RAP1GAP2: variants seen among roughly 807,000 people sequenced by gnomAD.
The protein encoded by RAP1GAP2 is rap1 GTPase-activating protein 2.
A neutral mutation model predicts 95.0 loss-of-function variants in RAP1GAP2; 27 were observed. The observed-to-expected ratio is 0.28, with a 90% confidence interval of 0.21 to 0.39. The LOEUF (loss-of-function observed/expected upper bound fraction) is 0.39, where lower values mean the gene tolerates loss of function less well. Ranked by LOEUF, RAP1GAP2 falls within the 10% of genes least tolerant of loss-of-function variation. RAP1GAP2 has a pLI of 1.00. For missense variants in RAP1GAP2, 771 were observed against 970.0 expected (o/e 0.79, Z 2.72); for synonymous variants, 373 against 380.9 (o/e 0.98, Z 0.24).
At chr17:2,779,466 C>T (rs1421542555) in intron 1 of RAP1GAP2, among the ~76,000 whole-genome samples, 1 of 152,136 alleles carries the variant, frequency 6.6e-6, no homozygotes. Flanking sequence ...GGCTCAGGGG[C>T]CAGACTGCTG....
rs1245790792 is a variant in RAP1GAP2, at chr17:2,965,678, T to A, written c.596+35T>A. On this transcript the variant is annotated intron_variant, in intron 8 of 24. Coordinates refer to ENST00000254695, the MANE Select transcript of RAP1GAP2 (RefSeq NM_015085.5). This position sits in a 1 kb window ranked among gnomAD's most constrained non-coding sequence, Gnocchi z 4.7. ...TTGCGCTGCTTGAGGCCACTTCTCT[T>A]CCAGGCAGGGCTCTCATCGGTGGTG... The A allele has an allele frequency of 2.7e-6, 4 of 1,457,050 alleles. No homozygotes were observed. Among genetic ancestry groups the A allele is most frequent in the Non-Finnish European group, 3.8e-6 (4 of 1,052,844 alleles). 90.3% of individuals were successfully genotyped at this position (1,457,050 alleles called of 1,614,324 possible). A position where few individuals can be genotyped will look rare whatever the true frequency, so the allele number is the denominator to read the frequency against.
At chr17:2,832,652 A>G (rs897137335) in intron 2 of RAP1GAP2, among the ~76,000 whole-genome samples, 1 of 151,486 alleles carries the variant, frequency 6.6e-6, no homozygotes, top group Non-Finnish European at 1.5e-5. Context: ...AGAGTTTGGT[A>G]CATACTTTTC....
rs575928059 is a variant in RAP1GAP2, at chr17:2,906,531, T to C, written c.165+1163T>C. 3.3e-5 allele frequency among the ~76,000 whole-genome samples: 5 copies of C among 152,120 alleles called. No individual in the cohort carries two copies. In the East Asian group the frequency reaches 9.7e-4, roughly 29 times the overall value. ...GAGCTGTGCTGTCTTCCTTGTGCAG[T>C]ACCCAGAGGGCAGTGGAAGCCAGAC... is the stretch of plus-strand genomic sequence containing the variant. On this transcript the variant is annotated intron_variant, in intron 3 of 24. Transcript: ENST00000254695. This position sits in a 1 kb window ranked among gnomAD's most constrained non-coding sequence, Gnocchi z 4.3.
At chr17:3,001,820 T>C (rs921088030) in intron 14 of RAP1GAP2, among the ~76,000 whole-genome samples, 2 of 152,208 alleles carry the variant, frequency 1.3e-5, no homozygotes, top group Non-Finnish European at 2.9e-5. Flanking sequence ...TCTTTCCCAA[T>C]AGGAAATGCA....
rs938092930 is a variant in RAP1GAP2 at position 2,963,798 on chromosome 17, C to T, written c.280-58C>T. ...AGCAGCGCAGAGGGGACACCGCCAC[C>T]GGCCCCCTCCCTCCCCTGCGGTCCC... On this transcript the variant is annotated intron_variant, in intron 6 of 24. Coordinates refer to ENST00000254695, the MANE Select transcript of RAP1GAP2 (RefSeq NM_015085.5). This position sits in a 1 kb window ranked among gnomAD's most constrained non-coding sequence, Gnocchi z 4.8. The T allele has an allele frequency of 1.0e-4, 143 of 1,419,230 alleles. No individual in the cohort carries two copies. Among genetic ancestry groups the T allele is most frequent in the Middle Eastern group, 2.5e-4 (1 of 4,078 alleles). The allele number at this position is 1,419,230 out of a possible 1,614,324, so 87.9% of individuals were successfully genotyped here. A position where few individuals can be genotyped will look rare whatever the true frequency, so the allele number is the denominator to read the frequency against.
At chr17:2,966,055 C>T (rs549213998) in intron 8 of RAP1GAP2, among the ~76,000 whole-genome samples, 2 of 152,196 alleles carry the variant, frequency 1.3e-5, no homozygotes, top group African/African-American at 4.8e-5. Flanking sequence ...AAAGATAGTG[C>T]CCTGTGTGTT....
intron 2 of RAP1GAP2, among the ~76,000 whole-genome samples, chr17:2,891,770 T>C (rs2073723681): frequency 6.6e-6 from 1 of 150,436 alleles, no homozygotes; most frequent in South Asian, 2.1e-4. Context: ...GATTCCAGAG[T>C]TGCTGTTGAA....
chr17:2,970,179 C>A (rs2044796032), intron 8 of RAP1GAP2, among the ~76,000 whole-genome samples: 1 of 146,542 alleles, frequency 6.8e-6, no homozygotes, highest in South Asian at 2.2e-4. Flanking sequence ...GAGGCTGAGG[C>A]AGGAGAATCA....
intron 3 of RAP1GAP2, among the ~76,000 whole-genome samples, chr17:2,946,097 A>G (rs1456377982): frequency 6.6e-6 from 1 of 152,110 alleles, no homozygotes; most frequent in African/African-American, 2.4e-5. Context: ...GGCCTATTAC[A>G]TTGATTTTCT....
At chr17:2,805,572 C>A (rs935753899) in intron 2 of RAP1GAP2, among the ~76,000 whole-genome samples, 3 of 151,836 alleles carry the variant, frequency 2.0e-5, no homozygotes, top group Non-Finnish European at 4.4e-5. Context: ...GGGGTTTCAC[C>A]ATGTTGGCCA....
At chr17:2,792,755 G>T (rs187447951), upstream of RAP1GAP2, among the ~76,000 whole-genome samples, 1 of 152,240 alleles carries the variant, frequency 6.6e-6, no homozygotes, top group Non-Finnish European at 1.5e-5. Flanking sequence ...CACACCCCCC[G>T]GTGGGGGAAA....
intron 2 of RAP1GAP2, among the ~76,000 whole-genome samples, chr17:2,830,339 A>G (rs2070768746): frequency 6.6e-6 from 1 of 152,020 alleles, no homozygotes; most frequent in African/African-American, 2.4e-5. Flanking sequence ...GCTTGAACCC[A>G]TGAGGCGGAG....
chr17:2,901,472 A>T (rs1023467427), intron 2 of RAP1GAP2, among the ~76,000 whole-genome samples: 31 of 151,798 alleles, frequency 2.0e-4, no homozygotes, highest in Non-Finnish European at 3.7e-4. Context: ...GCGTCGTTAG[A>T]GTTGCATGCG....
chr17:2,985,326 C>T (rs1401702165), intron 11 of RAP1GAP2, among the ~76,000 whole-genome samples: 9 of 151,714 alleles, frequency 5.9e-5, no homozygotes, highest in South Asian at 2.1e-4. Flanking sequence ...CTGGCTGCCT[C>T]GTCTTCTACG....
intron 2 of RAP1GAP2, among the ~76,000 whole-genome samples, chr17:2,836,978 C>T (rs928300692): frequency 8.5e-5 from 13 of 152,054 alleles, no homozygotes; most frequent in Admixed American, 6.6e-5. Flanking sequence ...AGGCCAGTAA[C>T]GGTGGCTCAC....
intron 12 of RAP1GAP2, 144 bp downstream of exon 12, chr17:2,991,541 G>A (rs1052581784): frequency 6.5e-5 from 43 of 662,026 alleles, no homozygotes; most frequent in Non-Finnish European, 1.0e-5. Flanking sequence ...GTCGCTCACT[G>A]CATTTCTAAG....
chr17:2,991,956 G>A (rs1250420911), intron 12 of RAP1GAP2, among the ~76,000 whole-genome samples: 1 of 151,946 alleles, frequency 6.6e-6, no homozygotes, highest in African/African-American at 2.4e-5. Flanking sequence ...AGTAGAGACG[G>A]GGTTTCGCCA....
chr17:2,919,705 C>CT (rs887739978), intron 3 of RAP1GAP2, among the ~76,000 whole-genome samples: 1 of 151,912 alleles, frequency 6.6e-6, no homozygotes, highest in Non-Finnish European at 1.5e-5. Context: ...TTCCTTTTCT[C>CT]TTTTTTTTCT....
rs991608291 is a variant in RAP1GAP2 at position 3,005,398 on chromosome 17, C to T, written c.1230C>T (p.Pro410=). The change falls in exon 15 of 25, where the codon CCC becomes CCT. Residue 410 remains proline, a synonymous_variant. Coordinates refer to ENST00000254695, the MANE Select transcript of RAP1GAP2 (RefSeq NM_015085.5). The surrounding 1 kb of genome is among the most constrained non-coding windows in gnomAD (Gnocchi z 5.2). ...KVSVTAREDV[P]TFGPPLPSPP... ...CTGTCACTGCGCGGGAAGATGTGCC[C>T]ACCTTTGGTCCACCTCTGCCCAGTC... The T allele has an allele frequency of 6.2e-7, 1 of 1,613,932 alleles. No homozygotes were observed. The highest frequency in any genetic ancestry group is 1.7e-5 in the Admixed American group (1 of 60,020).
Sources: gnomAD v4.1 joint callset for allele counts (sites outside exome capture counted in the v4.1 genomes callset) on GRCh38, gnomAD v4.1.1 for gene constraint, Gnocchi (gnomAD v3.1) non-coding constraint, MANE v1.5 for transcripts, NCBI Gene and HGNC (gene_info 2026-07-23, HGNC 2026-07-21) for gene names.